The following CAP2 variants were observed in gnomAD, a reference collection of about 807,000 sequenced individuals.
CAP2 encodes the protein cyclase associated actin cytoskeleton regulatory protein 2, also known as adenylyl cyclase-associated protein 2.
CAP2 carries 24 observed loss-of-function variants against 57.7 expected under a neutral mutation model. The observed-to-expected ratio is 0.42, with a 90% confidence interval of 0.30 to 0.58. CAP2 has a LOEUF of 0.58. Ranked by LOEUF, CAP2 falls within the 20% of genes least tolerant of loss-of-function variation. CAP2 has a pLI of 0.22. For synonymous variants in CAP2, 194 were observed against 207.2 expected, an observed-to-expected ratio of 0.94 and a Z score of 0.55; for missense variants, 501 against 590.3, an observed-to-expected ratio of 0.85 and a Z score of 1.57.
rs1180305125 is a variant in CAP2, at chr6:17,538,649, TG to T, written c.637-619del. Among the ~76,000 whole-genome samples the T allele has an allele frequency of 2.0e-5, 3 of 152,214 alleles. No individual in the cohort carries two copies. In the East Asian group the frequency reaches 5.8e-4, roughly 29 times the overall value. On this transcript the variant is annotated intron_variant, in intron 7 of 12. Coordinates refer to ENST00000229922, the MANE Select transcript of CAP2 (RefSeq NM_006366.3). ...TGGTTCACTAACAGCCAACATTTGA[TG>T]AAAAGTCATGTGGATCCTGGACCCT...
intron 7 of CAP2, among the ~76,000 whole-genome samples, chr6:17,522,013 G>A (rs2093551001): frequency 6.6e-6 from 1 of 152,100 alleles, no homozygotes; most frequent in Non-Finnish European, 1.5e-5. Context: ...GGAGGCTGAG[G>A]CAGGAGAATC....
At chr6:17,477,696 T>C (rs923953915) in intron 4 of CAP2, among the ~76,000 whole-genome samples, 5 of 152,196 alleles carry the variant, frequency 3.3e-5, no homozygotes, top group South Asian at 2.1e-4. Context: ...CCCATAATTA[T>C]GTCCTGACCT....
intron 4 of CAP2, among the ~76,000 whole-genome samples, chr6:17,485,039 A>G (rs1424335882): frequency 6.6e-6 from 1 of 152,218 alleles, no homozygotes; most frequent in Non-Finnish European, 1.5e-5. Context: ...ACAAGAGAGT[A>G]GAAGGGACAG....
At chr6:17,480,952 AT>A (rs59581120) in intron 4 of CAP2, among the ~76,000 whole-genome samples, 46,561 of 70,792 alleles carry the variant, frequency 0.66, 14,537 homozygotes, top group East Asian at 0.94. Flanking sequence ...CTAATTTTGT[AT>A]TTTTTTTTTT....
At chr6:17,497,207 C>T (rs1278409334) in intron 4 of CAP2, among the ~76,000 whole-genome samples, 1 of 152,128 alleles carries the variant, frequency 6.6e-6, no homozygotes, top group East Asian at 1.9e-4. Context: ...CAGTTTTCTC[C>T]AATTTTTGTC....
chr6:17,431,384 G>A (rs1444800507), intron 3 of CAP2, among the ~76,000 whole-genome samples: 1 of 151,742 alleles, frequency 6.6e-6, no homozygotes, highest in African/African-American at 2.4e-5. Context: ...TGAACAAAAG[G>A]GCAATAAAAT....
intron 6 of CAP2, among the ~76,000 whole-genome samples, chr6:17,509,404 G>A (rs930209740): frequency 6.6e-6 from 1 of 152,118 alleles, no homozygotes; most frequent in African/African-American, 2.4e-5. Flanking sequence ...CAGACCAGGT[G>A]TGGTGGCTCA....
intron 3 of CAP2, among the ~76,000 whole-genome samples, chr6:17,434,375 C>T (rs910749079): frequency 1.3e-5 from 2 of 151,828 alleles, no homozygotes; most frequent in African/African-American, 2.4e-5. Context: ...ACTATAGACC[C>T]GCACCACCAA....
At chr6:17,508,357 G>A (rs952576793) in intron 6 of CAP2, among the ~76,000 whole-genome samples, 5 of 152,170 alleles carry the variant, frequency 3.3e-5, no homozygotes, top group Admixed American at 2.0e-4. Flanking sequence ...AACTTAAACT[G>A]GAGTCAGAAT....
rs74916134 is a variant in CAP2 at position 17,494,096 on chromosome 6, G to A, written c.301-13073G>A. On this transcript the variant is annotated intron_variant, in intron 4 of 12. Coordinates refer to ENST00000229922, the MANE Select transcript of CAP2 (RefSeq NM_006366.3). The stretch of plus-strand genomic sequence containing the variant: ...GCCTGAGCTGCCTTCATCTCTTGTC[G>A]GAATTATTGCAGTAGTCTCGAATAC... Among the ~76,000 whole-genome samples the A allele has an allele frequency of 3.7e-3, 564 of 152,204 alleles. 2 individuals carry two copies. Among genetic ancestry groups the A allele is most frequent in the Admixed American group, 6.0e-3 (91 of 15,292 alleles).
chr6:17,426,230 T>TC (rs1163347203), intron 2 of CAP2, among the ~76,000 whole-genome samples: 1 of 149,202 alleles, frequency 6.7e-6, no homozygotes, highest in Non-Finnish European at 1.5e-5. Flanking sequence ...TCCCAGGTTT[T>TC]CTTTTTTTTT....
chr6:17,551,919 G>A (rs1188416172), intron 12 of CAP2, among the ~76,000 whole-genome samples: 1 of 152,204 alleles, frequency 6.6e-6, no homozygotes, highest in African/African-American at 2.4e-5. Flanking sequence ...TCTGGTGGAG[G>A]TAAACAGGAA....
intron 4 of CAP2, among the ~76,000 whole-genome samples, chr6:17,474,185 C>CTTTTTTTTTTTTTTT (rs544909381): frequency 4.4e-4 from 41 of 93,210 alleles, no homozygotes; most frequent in East Asian, 1.1e-3. Flanking sequence ...AAAAAACAGT[C>CTTTTTTTTTTTTTTT]TTTTTTTTTT....
At chr6:17,450,839 A>T (rs1416123906) in intron 3 of CAP2, among the ~76,000 whole-genome samples, 2 of 152,232 alleles carry the variant, frequency 1.3e-5, no homozygotes, top group South Asian at 4.1e-4. Flanking sequence ...GCTAATTTTT[A>T]ACAATTACCT....
At chr6:17,528,209 C>T (rs12664965) in intron 7 of CAP2, among the ~76,000 whole-genome samples, 46,550 of 152,080 alleles carry the variant, frequency 0.31, 7,389 homozygotes, top group South Asian at 0.38. Flanking sequence ...GGCTAAGCCA[C>T]GAGGTTCAAT....
At position 17,531,375 on chromosome 6, in the gene CAP2, A is replaced by G. The variant is rs189079258; in HGVS notation, c.637-7894A>G. ...CCTCTGATCCTGATGACAAACGCCA[A>G]TTTGGGTTCTGCAGGTACATAGAAG... On this transcript the variant is annotated intron_variant, in intron 7 of 12. Transcript: ENST00000229922. 2.2e-4 allele frequency: 351 copies of G among 1,593,074 alleles called. 1 individual carries two copies. The African/African-American group carries it at 3.6e-3, about 16-fold the overall frequency.
chr6:17,526,969 A>AG (rs1762527037), intron 7 of CAP2, among the ~76,000 whole-genome samples: 1 of 150,266 alleles, frequency 6.7e-6, no homozygotes, highest in African/African-American at 2.5e-5. Context: ...AAAAAAAAAA[A>AG]AAAAAAAAAG....
intron 11 of CAP2, among the ~76,000 whole-genome samples, chr6:17,547,640 G>C (rs570494235): frequency 1.3e-5 from 2 of 152,046 alleles, no homozygotes; most frequent in South Asian, 4.1e-4. Flanking sequence ...CGGAGATTGA[G>C]ACCATCCTGG....
At chr6:17,497,889 A>G (rs1321760965) in intron 4 of CAP2, among the ~76,000 whole-genome samples, 2 of 152,154 alleles carry the variant, frequency 1.3e-5, no homozygotes, top group South Asian at 4.2e-4. Context: ...TTGTTTGTTT[A>G]TTTTGTTCTG....
Sources: gnomAD v4.1 joint callset for allele counts (sites outside exome capture counted in the v4.1 genomes callset) on GRCh38, gnomAD v4.1.1 for gene constraint, MANE v1.5 for transcripts, NCBI Gene and HGNC (gene_info 2026-07-23, HGNC 2026-07-21) for gene names.